GADL1: variants seen among roughly 807,000 people sequenced by gnomAD.
GADL1 encodes the protein acidic amino acid decarboxylase GADL1.
GADL1 carries 71 observed loss-of-function variants against 69.5 expected under a neutral mutation model. That is an observed-to-expected ratio of 1.02 (90% confidence interval 0.84 to 1.25). The LOEUF (loss-of-function observed/expected upper bound fraction) is 1.25, where lower values mean the gene tolerates loss of function less well. Ranked by LOEUF, GADL1 falls within the 50% of genes most tolerant of loss-of-function variation. GADL1 has a pLI of 0.00. For missense variants in GADL1, 737 were observed against 631.8 expected (o/e 1.17, Z -1.79); for synonymous variants, 254 against 214.4 (o/e 1.18, Z -1.62).
At chr3:30,860,820 T>C (rs1698309189) in intron 2 of GADL1, among the ~76,000 whole-genome samples, 1 of 151,990 alleles carries the variant, frequency 6.6e-6, no homozygotes, top group Non-Finnish European at 1.5e-5. Flanking sequence ...TGATACTGCC[T>C]GGATTTTAGT....
intron 13 of GADL1, among the ~76,000 whole-genome samples, chr3:30,782,551 C>T (rs1696688897): frequency 6.6e-6 from 1 of 152,042 alleles, no homozygotes; most frequent in Admixed American, 6.6e-5. Flanking sequence ...GTGTCTGTGG[C>T]ATCTAGGTGA....
intron 14 of GADL1, among the ~76,000 whole-genome samples, chr3:30,732,338 T>C (rs1467649938): frequency 6.6e-6 from 1 of 152,212 alleles, no homozygotes; most frequent in Non-Finnish European, 1.5e-5. Context: ...TGCTGTTTTT[T>C]CTTCAAATTG....
intron 11 of GADL1, among the ~76,000 whole-genome samples, chr3:30,809,350 A>T (rs1248683815): frequency 6.6e-6 from 1 of 152,204 alleles, no homozygotes; most frequent in East Asian, 1.9e-4. Flanking sequence ...TTTTTTATAA[A>T]GGGTCACAAT....
At chr3:30,851,079 A>G in intron 4 of GADL1, 138 bp from the exon 5 acceptor site, 1 of 569,834 alleles carries the variant, frequency 1.8e-6, no homozygotes, top group Non-Finnish European at 3.1e-6. Context: ...ATCCATTGAA[A>G]ATAGAGAATT....
chr3:30,846,716 C>T (rs907585760), intron 6 of GADL1, among the ~76,000 whole-genome samples: 1 of 152,138 alleles, frequency 6.6e-6, no homozygotes, highest in Non-Finnish European at 1.5e-5. Context: ...CCCAAGAGGC[C>T]AGAACCAGAA....
rs115482172 is a variant in GADL1 at position 30,812,004 on chromosome 3, T to A, written c.1051-10916A>T. 3.2e-3 allele frequency among the ~76,000 whole-genome samples: 482 copies of A among 152,322 alleles called. 4 individuals carry two copies. The highest frequency in any genetic ancestry group is 0.011 in the African/African-American group (457 of 41,570). On this transcript the variant is annotated intron_variant, in intron 11 of 14. Coordinates refer to ENST00000282538, the MANE Select transcript of GADL1 (RefSeq NM_207359.3). ...TCTAGAAGTTTAAGTCAACATTACA[T>A]TCATGTTGGGACTACAGAAGTCTGA...
At chr3:30,800,077 C>G (rs949737014) in intron 12 of GADL1, 1 of 153,194 alleles carries the variant, frequency 6.5e-6, no homozygotes, top group Non-Finnish European at 1.5e-5. Context: ...GTTCCAAAGT[C>G]GCTTCCACAT....
chr3:30,816,559 T>TTTTTTTTTTTTTTC (rs1455742334), intron 11 of GADL1, among the ~76,000 whole-genome samples: 1 of 103,990 alleles, frequency 9.6e-6, no homozygotes, highest in Non-Finnish European at 1.9e-5. Context: ...TTTTTTTTTT[T>TTTTTTTTTTTTTTC]TTTTTTTGAG....
intron 13 of GADL1, among the ~76,000 whole-genome samples, chr3:30,780,712 A>C (rs1390067587): frequency 6.6e-6 from 1 of 152,178 alleles, no homozygotes; most frequent in Non-Finnish European, 1.5e-5. Flanking sequence ...GAAACTTACT[A>C]AAAAATGCAA....
intron 12 of GADL1, among the ~76,000 whole-genome samples, chr3:30,796,563 A>G (rs1697036427): frequency 6.6e-6 from 1 of 152,140 alleles, no homozygotes; most frequent in Non-Finnish European, 1.5e-5. Flanking sequence ...GGGATTGTTG[A>G]GAGAGGAGTA....
Position 30,861,315 on chromosome 3 carries a change from T to TTTAATCCCTGTGC in GADL1, c.210+277_210+278insGCACAGGGATTAA, listed in dbSNP as rs1553603085. ...ATGTTATTATCTAGGGTGCAGGAAGTTTCATCCCTGTGCTTCATGTCCTTA... is the reference window on the plus strand; with the variant it reads ...ATGTTATTATCTAGGGTGCAGGAAGTTTAATCCCTGTGCTTCATCCCTGTGCTTCATGTCCTTA... On this transcript the variant is annotated intron_variant, in intron 2 of 14. Transcript: ENST00000282538. Among the ~76,000 whole-genome samples the TTTAATCCCTGTGC allele has an allele frequency of 6.8e-4, 103 of 151,098 alleles. 1 individual carries two copies. Among genetic ancestry groups the TTTAATCCCTGTGC allele is most frequent in the African/African-American group, 2.3e-3 (93 of 41,322 alleles).
At chr3:30,880,060 G>T (rs1356689000) in intron 1 of GADL1, among the ~76,000 whole-genome samples, 1 of 151,792 alleles carries the variant, frequency 6.6e-6, no homozygotes, top group African/African-American at 2.4e-5. Flanking sequence ...CAGAAGAAAA[G>T]CACAGTAATT....
intron 14 of GADL1, among the ~76,000 whole-genome samples, chr3:30,736,097 C>T (rs1575178164): frequency 6.6e-6 from 1 of 151,814 alleles, no homozygotes; most frequent in Non-Finnish European, 1.5e-5. Flanking sequence ...TTTATTTTGC[C>T]TGATGATTAA....
In GADL1 at chr3:30,789,134, AAC is replaced by A. The variant is rs545999376; in HGVS notation, c.1251-2730_1251-2729del. Among the ~76,000 whole-genome samples, 4 of 152,320 alleles carry A rather than the reference AAC, an allele frequency of 2.6e-5. No homozygotes were observed. The East Asian group carries it at 5.8e-4, about 22-fold the overall frequency. Reference sequence around the variant, plus strand: ...TGATATCACGGCTATAGCCTTACAAAACACATTTCTTAAATAAGACTTGAAAG... The same window carrying A: ...TGATATCACGGCTATAGCCTTACAAAACATTTCTTAAATAAGACTTGAAAG... On this transcript the variant is annotated intron_variant, in intron 12 of 14. Transcript: ENST00000282538.
chr3:30,816,182 G>A (rs1485659175), intron 11 of GADL1, among the ~76,000 whole-genome samples: 2 of 152,052 alleles, frequency 1.3e-5, no homozygotes, highest in Admixed American at 1.3e-4. Flanking sequence ...GATATGTACT[G>A]AACAAATGCT....
chr3:30,812,514 C>A (rs6781929), intron 11 of GADL1, among the ~76,000 whole-genome samples: 78,508 of 151,968 alleles, frequency 0.52, 23,735 homozygotes, highest in African/African-American at 0.85. Flanking sequence ...AGACCTACTC[C>A]CTATTATAAG....
chr3:30,751,925 T>C (rs1695830307), intron 14 of GADL1, among the ~76,000 whole-genome samples: 2 of 152,182 alleles, frequency 1.3e-5, no homozygotes, highest in African/African-American at 2.4e-5. Flanking sequence ...CAATATCCCA[T>C]TGAATGGCAA....
At chr3:30,782,271 G>A (rs1233491666) in intron 13 of GADL1, among the ~76,000 whole-genome samples, 1 of 152,144 alleles carries the variant, frequency 6.6e-6, no homozygotes, top group Non-Finnish European at 1.5e-5. Context: ...AGTTAGGCTG[G>A]AGGGATCTAA....
chr3:30,817,209 T>C (rs188868745), intron 11 of GADL1, among the ~76,000 whole-genome samples: 31 of 152,324 alleles, frequency 2.0e-4, no homozygotes, highest in Middle Eastern at 3.4e-3. Context: ...GTGACAACCT[T>C]TCTCAAAATT....
Sources: gnomAD v4.1 joint callset for allele counts (sites outside exome capture counted in the v4.1 genomes callset) on GRCh38, gnomAD v4.1.1 for gene constraint, MANE v1.5 for transcripts, NCBI Gene and HGNC (gene_info 2026-07-23, HGNC 2026-07-21) for gene names.